The following CMTR1 variants were observed in gnomAD, a reference collection of about 807,000 sequenced individuals.
CMTR1 encodes the protein cap-specific mRNA (nucleoside-2'-O-)-methyltransferase 1.
A neutral mutation model predicts 107.0 loss-of-function variants in CMTR1; 39 were observed. The observed-to-expected ratio is 0.36, with a 90% CI of 0.28 to 0.48. The LOEUF is 0.48. CMTR1 is among the 20% of genes least tolerant of loss of function. The probability of loss-of-function intolerance (pLI) is 0.99; values close to 1 mark genes in which losing one functional copy is unlikely to be tolerated. For missense variants in CMTR1, 672 were observed against 1,064.9 expected, an observed-to-expected ratio of 0.63 and a Z score of 5.14; for synonymous variants, 366 against 379.5, an observed-to-expected ratio of 0.96 and a Z score of 0.41.
chr6:37,470,068 T>G (rs965977872), intron 13 of CMTR1, among the ~76,000 whole-genome samples: 1 of 152,214 alleles, frequency 6.6e-6, no homozygotes, highest in African/African-American at 2.4e-5. Context: ...ATATTTTCAT[T>G]TCTAGAATTT....
intron 13 of CMTR1, among the ~76,000 whole-genome samples, chr6:37,466,108 GTTTTTGTT>G (rs1252291247): frequency 3.1e-4 from 39 of 127,742 alleles, no homozygotes; most frequent in African/African-American, 1.1e-3. Context: ...GAGTTTTACA[GTTTTTGTT>G]TTTTTTTTTT....
chr6:37,432,455 AG>A (rs1391712551), upstream of CMTR1, among the ~76,000 whole-genome samples: 7 of 152,136 alleles, frequency 4.6e-5, no homozygotes, highest in South Asian at 4.1e-4. Flanking sequence ...TTCTGCCGAG[AG>A]GGGGTAAGTG....
intron 17 of CMTR1, 112 bp downstream of exon 17, chr6:37,473,713 G>GTTGCT: frequency 1.5e-6 from 2 of 1,311,450 alleles, no homozygotes; most frequent in Non-Finnish European, 2.1e-6. Context: ...TTAAGTAGCT[G>GTTGCT]TTGCTTTGAC....
chr6:37,451,913 C>T, intron 6 of CMTR1, 36 bp downstream of exon 6: 1 of 1,547,582 alleles, frequency 6.5e-7, no homozygotes, highest in Non-Finnish European at 8.9e-7. Context: ...TAATGAAAAC[C>T]TTGTGGGAGG....
intron 20 of CMTR1, among the ~76,000 whole-genome samples, chr6:37,476,430 T>C (rs1336321576): frequency 2.0e-5 from 3 of 152,188 alleles, no homozygotes; most frequent in Non-Finnish European, 2.9e-5. Context: ...CATCCTTGTT[T>C]AGGATGCACG....
At chr6:37,478,216 C>T (rs1303128587) in intron 21 of CMTR1, among the ~76,000 whole-genome samples, 193 bp from the exon 22 acceptor site, 1 of 152,168 alleles carries the variant, frequency 6.6e-6, no homozygotes, top group African/African-American at 2.4e-5. Context: ...TCCCCTGCCT[C>T]CACTGCCTGA....
Position 37,480,278 on chromosome 6 carries a change from G to C in CMTR1, c.*133G>C. The C allele has an allele frequency of 1.4e-6, 2 of 1,470,606 alleles. No homozygotes were observed. Among genetic ancestry groups the C allele is most frequent in the African/African-American group, 1.5e-5 (1 of 67,882 alleles). The allele number at this position is 1,470,606 out of a possible 1,614,324, so 91.1% of individuals were successfully genotyped here. On this transcript the variant is annotated 3_prime_UTR_variant, in exon 24 of 24. Coordinates refer to ENST00000373451, the MANE Select transcript of CMTR1 (RefSeq NM_015050.3). ...GCATTGCACCTGGCATGAGGAGTGG[G>C]TGGCCTCCTCTCCATCCCCTGAAGA...
At chr6:37,443,636 G>A (rs1048445927) in intron 2 of CMTR1, among the ~76,000 whole-genome samples, 9 of 152,128 alleles carry the variant, frequency 5.9e-5, no homozygotes, top group South Asian at 2.1e-4. Flanking sequence ...GGGATTACGC[G>A]TGAGCCACCA....
chr6:37,425,956 CTGTT>C, the CMTR1 span, among the ~76,000 whole-genome samples: 5 of 152,190 alleles, frequency 3.3e-5, no homozygotes, highest in African/African-American at 1.2e-4. Flanking sequence ...CCCTTAGACT[CTGTT>C]TGTTTTGTTG....
intron 4 of CMTR1, among the ~76,000 whole-genome samples, chr6:37,449,868 C>T (rs957981513): frequency 6.6e-6 from 1 of 152,180 alleles, no homozygotes; most frequent in Admixed American, 6.5e-5. Flanking sequence ...ACATTGTATG[C>T]GATAACTGCC....
intron 6 of CMTR1, 21 bp downstream of exon 6, chr6:37,451,898 C>A (rs768059871): frequency 1.6e-5 from 26 of 1,599,562 alleles, no homozygotes; most frequent in African/African-American, 2.7e-5. Context: ...GTGGCTAGAA[C>A]CAGATAATGA....
intron 8 of CMTR1, among the ~76,000 whole-genome samples, chr6:37,455,127 C>T (rs1761263314): frequency 6.6e-6 from 1 of 151,964 alleles, no homozygotes; most frequent in Admixed American, 6.6e-5. Context: ...TGTTGTTGCC[C>T]AGGCTGGAGT....
chr6:37,433,135 C>T (rs1022611331), upstream of CMTR1: 4 of 152,586 alleles, frequency 2.6e-5, no homozygotes, highest in African/African-American at 9.6e-5. Context: ...CGGGCCAAAC[C>T]TCAGCTGCCT....
At position 37,481,401 on chromosome 6, in the gene CMTR1, C is replaced by A; in HGVS notation, c.*1256C>A. ...CCTTCAGCCAGCATCCAGCTCCCCA[C>A]CCCCAGGCTGGCAGTAGCACTGCTG... On this transcript the variant is annotated 3_prime_UTR_variant, in exon 24 of 24. Transcript: ENST00000373451. 1 of 1,185,130 alleles carries A rather than the reference C, an allele frequency of 8.4e-7. No individual in the cohort carries two copies. Among genetic ancestry groups the A allele is most frequent in the Non-Finnish European group, 1.1e-6 (1 of 940,724 alleles). 73.4% of individuals were successfully genotyped at this position (1,185,130 alleles called of 1,614,324 possible).
intron 8 of CMTR1, among the ~76,000 whole-genome samples, chr6:37,457,033 C>T (rs1159404279): frequency 6.7e-6 from 1 of 149,434 alleles, no homozygotes. Flanking sequence ...CCAGCCTGGG[C>T]AATACACCAA....
At chr6:37,478,731 T>G (rs1007726697) in intron 22 of CMTR1, among the ~76,000 whole-genome samples, 1 of 152,060 alleles carries the variant, frequency 6.6e-6, no homozygotes, top group South Asian at 2.1e-4. Flanking sequence ...GGTTAGGCAA[T>G]AGGGAGAGGA....
rs1213302683 is a variant in CMTR1, at chr6:37,446,215, CTGTT to C, written c.286-73_286-70del. 17 of 1,462,388 alleles carry C rather than the reference CTGTT, an allele frequency of 1.2e-5. No individual in the cohort carries two copies. In the East Asian group the frequency reaches 3.9e-4, roughly 33 times the overall value. 90.6% of individuals were successfully genotyped at this position (1,462,388 alleles called of 1,614,324 possible). A position where few individuals can be genotyped will look rare whatever the true frequency, so the allele number is the denominator to read the frequency against. ...TCTATTTTTCTTAGGATTTAGCACA[CTGTT>C]TGGCATGTGATGGGGCTAAATAAAT... is the stretch of plus-strand genomic sequence containing the variant. On this transcript the variant is annotated intron_variant, in intron 3 of 23. Transcript: ENST00000373451.
chr6:37,461,784 G>T, intron 11 of CMTR1, 139 bp downstream of exon 11: 1 of 837,436 alleles, frequency 1.2e-6, no homozygotes. Context: ...AGTAATTTAG[G>T]GAAGAAAGGG....
At chr6:37,466,438 T>C (rs138874545) in intron 13 of CMTR1, among the ~76,000 whole-genome samples, 81 of 152,212 alleles carry the variant, frequency 5.3e-4, no homozygotes, top group African/African-American at 1.8e-3. Flanking sequence ...CCGGCCGAAT[T>C]TTACAGTTTT....
Sources: gnomAD v4.1 joint callset for allele counts (sites outside exome capture counted in the v4.1 genomes callset) on GRCh38, gnomAD v4.1.1 for gene constraint, MANE v1.5 for transcripts, NCBI Gene and HGNC (gene_info 2026-07-23, HGNC 2026-07-21) for gene names.